Variants in PCYT1A observed in about 807,000 individuals in gnomAD.
PCYT1A encodes the protein phosphate cytidylyltransferase 1A, choline.
Under a neutral mutation model 43.7 loss-of-function variants are expected in PCYT1A, and 25 were observed. The ratio of observed to expected loss-of-function variants is 0.57; its 90% confidence interval spans 0.42 to 0.80. The LOEUF (loss-of-function observed/expected upper bound fraction) is 0.80. PCYT1A is among the 30% of genes least tolerant of loss of function. PCYT1A has a pLI of 0.00. For synonymous variants in PCYT1A, 172 were observed against 170.7 expected (o/e 1.01, Z -0.06); for missense variants, 421 against 474.2 (o/e 0.89, Z 1.04).
intron 1 of PCYT1A, among the ~76,000 whole-genome samples, chr3:196,274,322 G>C (rs1725526178): frequency 6.6e-6 from 1 of 152,202 alleles, no homozygotes; most frequent in African/African-American, 2.4e-5. Flanking sequence ...CCAGCTCCCA[G>C]TGGCTCCATG....
At chr3:196,272,542 C>A (rs1175825331) in intron 1 of PCYT1A, among the ~76,000 whole-genome samples, 1 of 152,180 alleles carries the variant, frequency 6.6e-6, no homozygotes, top group Admixed American at 6.5e-5. Context: ...TGGTCTTGAA[C>A]TCCTGACCTC....
chr3:196,267,197 AAT>A, intron 2 of PCYT1A: 2 of 332,582 alleles, frequency 6.0e-6, no homozygotes, highest in Non-Finnish European at 1.2e-5. Context: ...AAAAAAAAAA[AAT>A]TAAGTACTTG....
chr3:196,245,795 C>T (rs995063663), intron 5 of PCYT1A, among the ~76,000 whole-genome samples: 2 of 152,002 alleles, frequency 1.3e-5, no homozygotes, highest in Non-Finnish European at 2.9e-5. Flanking sequence ...ACTAAAAATA[C>T]AAGAAATTAG....
intron 1 of PCYT1A, among the ~76,000 whole-genome samples, chr3:196,286,386 C>T (rs2108785565): frequency 6.6e-6 from 1 of 152,280 alleles, no homozygotes; most frequent in Non-Finnish European, 1.5e-5. Context: ...CCAAAGAGTT[C>T]CCTATTCATA....
intron 1 of PCYT1A, among the ~76,000 whole-genome samples, chr3:196,272,791 A>C (rs1725473154): frequency 6.6e-6 from 1 of 152,348 alleles, no homozygotes; most frequent in East Asian, 1.9e-4. Flanking sequence ...TAGCTATTAC[A>C]GCAAAGTTCT....
At chr3:196,286,560 A>G (rs1043919670) in intron 1 of PCYT1A, among the ~76,000 whole-genome samples, 1 of 152,220 alleles carries the variant, frequency 6.6e-6, no homozygotes, top group Non-Finnish European at 1.5e-5. Flanking sequence ...ATGAAACAAT[A>G]CTTACCCTTA....
intron 2 of PCYT1A, among the ~76,000 whole-genome samples, chr3:196,262,373 C>A (rs572746621): frequency 6.6e-6 from 1 of 152,122 alleles, no homozygotes; most frequent in South Asian, 2.1e-4. Context: ...AAGTAGCATC[C>A]GCAAAGTAAT....
intron 2 of PCYT1A, among the ~76,000 whole-genome samples, chr3:196,267,000 G>A (rs1181247778): frequency 1.3e-5 from 2 of 151,710 alleles, no homozygotes; most frequent in African/African-American, 4.8e-5. Flanking sequence ...GTGAAACCCC[G>A]TCTCTACCAA....
rs1351855558 is a variant in PCYT1A, at chr3:196,234,542, A to T, written c.*4146T>A. ...AAGACGAAGCCAGCAGTCCTTTCCA[A>T]GACTCTTTTGTCTTTTAGGGATCCT... On this transcript the variant is annotated 3_prime_UTR_variant, in exon 9 of 9. Coordinates refer to ENST00000431016, the MANE Select transcript of PCYT1A (RefSeq NM_001312673.2). The T allele has an allele frequency of 6.6e-6, 1 of 152,230 alleles. No homozygotes were observed. The highest frequency in any genetic ancestry group is 1.5e-5 in the Non-Finnish European group (1 of 68,042). The allele number at this position is 152,230 out of a possible 1,614,324, so 9.4% of individuals were successfully genotyped here.
chr3:196,240,788 A>T (rs1393539564), intron 7 of PCYT1A: 2 of 152,202 alleles, frequency 1.3e-5, no homozygotes, highest in Non-Finnish European at 2.9e-5. Flanking sequence ...TATGGGAAAA[A>T]TAAAGCTATA....
chr3:196,263,883 C>T (rs1420809965), intron 2 of PCYT1A, among the ~76,000 whole-genome samples: 2 of 152,142 alleles, frequency 1.3e-5, no homozygotes, highest in African/African-American at 2.4e-5. Context: ...CCACCCTCCT[C>T]GGCCTCCCAA....
Position 196,247,325 on chromosome 3 carries a change from G to A in PCYT1A, c.486+42C>T. The A allele has an allele frequency of 6.2e-7, 1 of 1,604,642 alleles. No homozygotes were observed. The highest frequency in any genetic ancestry group is 8.5e-7 in the Non-Finnish European group (1 of 1,173,354). The stretch of plus-strand genomic sequence containing the variant: ...TGCCAGCAGCTTTGAGAGTTGAGGG[G>A]ATTCTGAAACAAGGAATGGGAATAT... On this transcript the variant is annotated intron_variant, in intron 5 of 8. Coordinates refer to ENST00000431016, the MANE Select transcript of PCYT1A (RefSeq NM_001312673.2). This position sits in a 1 kb window ranked among gnomAD's most constrained non-coding sequence, Gnocchi z 4.8.
rs1724397186 is a variant in PCYT1A, at chr3:196,242,770, C to T, written c.487-130G>A. ...TCAGTGGACTTCATATCTCTCTTTG[C>T]TTTGCTCATAAATTCTACAATCTAT... On this transcript the variant is annotated intron_variant, in intron 5 of 8. Transcript: ENST00000431016. This position sits in a 1 kb window ranked among gnomAD's most constrained non-coding sequence, Gnocchi z 4.2. The T allele has an allele frequency of 1.5e-6, 1 of 674,952 alleles. No homozygotes were observed. Among genetic ancestry groups the T allele is most frequent in the African/African-American group, 1.8e-5 (1 of 55,832 alleles). 41.8% of individuals were successfully genotyped at this position (674,952 alleles called of 1,614,324 possible). A position where few individuals can be genotyped will look rare whatever the true frequency, so the allele number is the denominator to read the frequency against.
intron 7 of PCYT1A, 137 bp from the exon 8 acceptor site, chr3:196,239,872 C>T (rs1724298237): frequency 1.6e-6 from 1 of 636,788 alleles, no homozygotes; most frequent in Admixed American, 2.7e-5. Flanking sequence ...TAATCTACCC[C>T]ACTCTCAGCA....
Position 196,248,427 on chromosome 3 carries a change from A to G in PCYT1A, c.218-104T>C, listed in dbSNP as rs953431563. 7.9e-6 allele frequency: 5 copies of G among 631,140 alleles called. No individual in the cohort carries two copies. In the African/African-American group the frequency reaches 9.2e-5, roughly 12 times the overall value. The allele number at this position is 631,140 out of a possible 1,614,324, so 39.1% of individuals were successfully genotyped here. On this transcript the variant is annotated intron_variant, in intron 3 of 8. Coordinates refer to ENST00000431016, the MANE Select transcript of PCYT1A (RefSeq NM_001312673.2). ...CACTCTGTCACCCAGGCTGGAGTGC[A>G]GTGGCGTGATCTCGGCTCACTGCAA... is the stretch of plus-strand genomic sequence containing the variant.
chr3:196,247,624 T>G lies in PCYT1A; in HGVS notation c.335-106A>C. On this transcript the variant is annotated intron_variant, in intron 4 of 8. Coordinates refer to ENST00000431016, the MANE Select transcript of PCYT1A (RefSeq NM_001312673.2). The surrounding 1 kb of genome is among the most constrained non-coding windows in gnomAD (Gnocchi z 4.8). Reference sequence around the variant, plus strand: ...CCCACTGCTTAGGACTGCAACCATCTTCCCCAACTGGAAAAAAGTCTTCTA... The same window carrying G: ...CCCACTGCTTAGGACTGCAACCATCGTCCCCAACTGGAAAAAAGTCTTCTA... 8.9e-7 allele frequency: 1 copy of G among 1,124,056 alleles called. No homozygotes were observed. The highest frequency in any genetic ancestry group is 1.3e-6 in the Non-Finnish European group (1 of 744,846). The allele number at this position is 1,124,056 out of a possible 1,614,324, so 69.6% of individuals were successfully genotyped here. A position where few individuals can be genotyped will look rare whatever the true frequency, so the allele number is the denominator to read the frequency against.
rs1466762864 is a variant in PCYT1A at position 196,273,656 on chromosome 3, G to T, written c.-10-3115C>A. On this transcript the variant is annotated intron_variant, in intron 1 of 8. Transcript: ENST00000431016. This position sits in a 1 kb window ranked among gnomAD's most constrained non-coding sequence, Gnocchi z 4.1. The stretch of plus-strand genomic sequence containing the variant: ...TCAGTGGAGAGGAGACCTGGAGTGG[G>T]AAGCTCCTATCCGCAGGCAGGTCAT... 6.6e-6 allele frequency among the ~76,000 whole-genome samples: 1 copy of T among 152,190 alleles called. No individual in the cohort carries two copies.
At chr3:196,260,769 G>A (rs950625206) in intron 2 of PCYT1A, among the ~76,000 whole-genome samples, 3 of 152,214 alleles carry the variant, frequency 2.0e-5, no homozygotes, top group African/African-American at 7.2e-5. Context: ...TTGAACCCAG[G>A]AGGTGGAGGT....
intron 1 of PCYT1A, among the ~76,000 whole-genome samples, chr3:196,286,243 A>G (rs895507228): frequency 6.6e-6 from 1 of 151,936 alleles, no homozygotes; most frequent in Non-Finnish European, 1.5e-5. Flanking sequence ...CCCTATTTCA[A>G]TATAATTTCT....
Sources: allele counts gnomAD v4.1 joint callset (sites outside exome capture counted in the v4.1 genomes callset), GRCh38; gene constraint gnomAD v4.1.1; non-coding constraint Gnocchi (gnomAD v3.1); transcripts MANE v1.5; gene names NCBI Gene and HGNC (gene_info 2026-07-23, HGNC 2026-07-21).